Variants in DNAH10 observed in about 807,000 individuals in gnomAD.
DNAH10 encodes dynein axonemal heavy chain 10, also known as axonemal beta dynein heavy chain 10.
DNAH10 carries 348 observed loss-of-function variants against 506.6 expected under a neutral mutation model. The ratio of observed to expected loss-of-function variants is 0.69; its 90% CI spans 0.63 to 0.75. The LOEUF (loss-of-function observed/expected upper bound fraction) is 0.75, where lower values mean the gene tolerates loss of function less well. Ranked by LOEUF, DNAH10 falls within the 30% of genes least tolerant of loss-of-function variation. The pLI is 0.00. For synonymous variants in DNAH10, 2,059 were observed against 2,198.6 expected (o/e 0.94, Z 1.78); for missense variants, 5,179 against 5,787.1 (o/e 0.89, Z 3.41).
At chr12:123,870,280 C>A in intron 43 of DNAH10, 86 bp from the exon 44 acceptor site, 1 of 1,524,826 alleles carries the variant, frequency 6.6e-7, no homozygotes, top group South Asian at 1.3e-5. Context: ...GTACAAGCAA[C>A]ATTAGTTCAT....
At position 123,793,573 on chromosome 12, in the gene DNAH10, C is replaced by G. The variant is rs1958165994; in HGVS notation, c.1816-369C>G. Among the ~76,000 whole-genome samples, 3 of 152,090 alleles carry G rather than the reference C, an allele frequency of 2.0e-5. No homozygotes were observed. The East Asian group carries it at 5.8e-4, about 29-fold the overall frequency. ...CAGGATGGTCTCGATCTCCTGACCT[C>G]GTGATCTGCCCGTCTCGGCCTCCCA... On this transcript the variant is annotated intron_variant, in intron 11 of 78. Transcript: ENST00000673944.
intron 13 of DNAH10, among the ~76,000 whole-genome samples, chr12:123,798,853 C>G (rs1022328653): frequency 6.7e-6 from 1 of 149,160 alleles, no homozygotes; most frequent in Non-Finnish European, 1.5e-5. Context: ...CACCTGTAAT[C>G]CCAGCACTTT....
chr12:123,843,443 G>A (rs938237969), intron 30 of DNAH10, among the ~76,000 whole-genome samples: 1 of 152,088 alleles, frequency 6.6e-6, no homozygotes, highest in African/African-American at 2.4e-5. Context: ...CTGGGCCTTC[G>A]TAATCTTTGT....
intron 16 of DNAH10, among the ~76,000 whole-genome samples, chr12:123,801,863 T>C (rs922795041): frequency 6.6e-6 from 1 of 152,204 alleles, no homozygotes; most frequent in African/African-American, 2.4e-5. Context: ...ATAGAGAGCA[T>C]TTTCAACACC....
At chr12:123,771,342 G>T (rs1042983424) in intron 2 of DNAH10, among the ~76,000 whole-genome samples, 20 of 152,128 alleles carry the variant, frequency 1.3e-4, no homozygotes, top group African/African-American at 4.8e-4. Flanking sequence ...TCACAGGGTG[G>T]ACACTGTACC....
At position 123,865,952 on chromosome 12, in the gene DNAH10, T is replaced by C; in HGVS notation, c.7046T>C (p.Val2349Ala). 2 of 1,602,798 alleles carry C rather than the reference T, an allele frequency of 1.2e-6. No homozygotes were observed. The highest frequency in any genetic ancestry group is 8.5e-7 in the Non-Finnish European group (1 of 1,176,408). ...GATTGATTTTCTTTATTTATCCAGG[T>C]TGGAGATTTACAGTATGCCTCCCCT... ...LQAHCALLFE[V>A]GDLQYASPAT... is the part of the protein sequence containing the mutation. The change falls in exon 41 of 79, where the codon GTT becomes GCT. Residue 2349 changes from valine (V) to alanine (A), a missense_variant and splice_region_variant. This residue lies in a region of DNAH10 where 4,844 missense variants were observed against 5,430.5 expected (regional missense o/e 0.89). Transcript: ENST00000673944.
intron 12 of DNAH10, among the ~76,000 whole-genome samples, chr12:123,795,355 C>T (rs1314110778): frequency 6.6e-6 from 1 of 152,074 alleles, no homozygotes; most frequent in East Asian, 1.9e-4. Flanking sequence ...TCTTATGGTA[C>T]TGGAGGTCAG....
chr12:123,819,782 G>A (rs767935353), intron 23 of DNAH10, among the ~76,000 whole-genome samples: 5 of 131,992 alleles, frequency 3.8e-5, no homozygotes, highest in African/African-American at 8.7e-5. Flanking sequence ...TCAGCTCACC[G>A]CAACCTCCAC....
Position 123,781,223 on chromosome 12 carries a change from A to G in DNAH10, c.765A>G (p.Gln255=), listed in dbSNP as rs1957636354. 1.2e-6 allele frequency: 2 copies of G among 1,614,150 alleles called. No homozygotes were observed. Among genetic ancestry groups the G allele is most frequent in the African/African-American group, 1.3e-5 (1 of 75,048 alleles). The change falls in exon 6 of 79, where the codon CAA becomes CAG. Residue 255 remains glutamine, a synonymous_variant. Coordinates refer to ENST00000673944, the MANE Select transcript of DNAH10 (RefSeq NM_001372106.1). ...AGGCAGTAGAATATCACAGTATTCA[A>G]TTAATACGGGATGAATTTTTAATGA... ...PGEAVEYHSI[Q]LIRDEFLMNV...
At position 123,838,518 on chromosome 12, in the gene DNAH10, C is replaced by T. The variant is rs773873148; in HGVS notation, c.4965C>T (p.Leu1655=). ...IKRCCEAPNR[L]SDLQNVSEGL... is the part of the protein sequence containing the mutation. Reference sequence around the variant, plus strand: ...GGTGCTGTGAAGCCCCAAACCGCCTCAGTGACCTACAGAACGTCAGCGAGG... The same window carrying T: ...GGTGCTGTGAAGCCCCAAACCGCCTTAGTGACCTACAGAACGTCAGCGAGG... Residue 1655 remains leucine, a synonymous_variant, in exon 29 of 79, where the codon CTC becomes CTT. Transcript: ENST00000673944. 4 of 1,614,034 alleles carry T rather than the reference C, an allele frequency of 2.5e-6. No individual in the cohort carries two copies. The highest frequency in any genetic ancestry group is 1.1e-5 in the South Asian group (1 of 91,082).
intron 4 of DNAH10, among the ~76,000 whole-genome samples, chr12:123,773,888 A>G (rs139800462): frequency 0.011 from 1,642 of 152,304 alleles, 14 homozygotes; most frequent in South Asian, 0.033. Flanking sequence ...AGCGTTAGAT[A>G]CTCCAACCAG....
At chr12:123,795,069 A>C (rs1259905949) in intron 12 of DNAH10, among the ~76,000 whole-genome samples, 2 of 139,948 alleles carry the variant, frequency 1.4e-5, no homozygotes, top group Non-Finnish European at 3.0e-5. Flanking sequence ...AGTCGCTTGA[A>C]CCCGGGAAGT....
chr12:123,849,021 A>T (rs1951062577), intron 34 of DNAH10, 139 bp downstream of exon 34: 2 of 1,101,308 alleles, frequency 1.8e-6, no homozygotes, highest in Non-Finnish European at 2.6e-6. Flanking sequence ...TGGTTTTTCC[A>T]ATTGAGATGA....
intron 46 of DNAH10, among the ~76,000 whole-genome samples, chr12:123,874,495 C>T (rs941596335): frequency 6.6e-6 from 1 of 151,946 alleles, no homozygotes; most frequent in African/African-American, 2.4e-5. Flanking sequence ...GTTTTTCCAT[C>T]TACCTGTCCA....
Position 123,784,111 on chromosome 12 carries a change from A to G in DNAH10, c.1164A>G (p.Leu388=). 1 of 1,614,252 alleles carries G rather than the reference A, an allele frequency of 6.2e-7. No individual in the cohort carries two copies. Among genetic ancestry groups the G allele is most frequent in the South Asian group, 1.1e-5 (1 of 91,088 alleles). Residue 388 remains leucine (L), a synonymous_variant, in exon 8 of 79, where the codon TTA becomes TTG. Coordinates refer to ENST00000673944, the MANE Select transcript of DNAH10 (RefSeq NM_001372106.1). ...ATCTGCAGCCAGTGTTCACCGAGTT[A>G]TTCAAGTTCCACACGGAGGCCTCAG... ...VANLQPVFTE[L]FKFHTEASDN...
At chr12:123,834,243 TG>T (rs1220032389) in intron 27 of DNAH10, among the ~76,000 whole-genome samples, 10 of 152,328 alleles carry the variant, frequency 6.6e-5, no homozygotes, top group African/African-American at 2.4e-4. Flanking sequence ...AGTCTTGCTC[TG>T]TCACCCAGGC....
intron 19 of DNAH10, among the ~76,000 whole-genome samples, chr12:123,811,326 CT>C (rs113411148): frequency 0.02 from 2,800 of 142,342 alleles, 70 homozygotes; most frequent in African/African-American, 0.059. Flanking sequence ...ATTAGTATTA[CT>C]TTTTTTTTTT....
At chr12:123,855,315 T>C (rs1003176391) in intron 36 of DNAH10, among the ~76,000 whole-genome samples, 1 of 152,126 alleles carries the variant, frequency 6.6e-6, no homozygotes, top group Admixed American at 6.6e-5. Context: ...ATTTTGTTTT[T>C]GAGATTTATA....
At chr12:123,855,647 A>T (rs76241212) in intron 36 of DNAH10, among the ~76,000 whole-genome samples, 18,370 of 149,554 alleles carry the variant, frequency 0.12, 1,644 homozygotes, top group African/African-American at 0.24. Context: ...AAAAAAAAAA[A>T]AATAATAATA....
Sources: gnomAD v4.1 joint callset for allele counts (sites outside exome capture counted in the v4.1 genomes callset) on GRCh38, gnomAD v4.1.1 for gene constraint, gnomAD v4.1.1 regional missense constraint, MANE v1.5 for transcripts, NCBI Gene and HGNC (gene_info 2026-07-23, HGNC 2026-07-21) for gene names.